Variants in CTNNA2 observed in about 807,000 individuals in gnomAD.
CTNNA2 encodes the protein catenin alpha 2.
In CTNNA2, 42 loss-of-function variants were observed where a neutral mutation model predicts 101.0. The observed-to-expected ratio is 0.42, with a 90% confidence interval of 0.32 to 0.54. The LOEUF is 0.54. Among genes scored for constraint, CTNNA2 ranks in the 20% least tolerant of loss-of-function variants. CTNNA2 has a pLI of 0.14. For synonymous variants in CTNNA2, 450 were observed against 456.4 expected, an observed-to-expected ratio of 0.99 and a Z score of 0.18; for missense variants, 871 against 1,223.1, an observed-to-expected ratio of 0.71 and a Z score of 4.29.
intron 9 of CTNNA2, among the ~76,000 whole-genome samples, chr2:80,523,365 C>T (rs542148050): frequency 2.0e-5 from 3 of 152,106 alleles, no homozygotes; most frequent in Admixed American, 6.6e-5. Flanking sequence ...TGTCTATGAG[C>T]TGTAAATTGA....
chr2:79,473,415 C>T (rs1671021387), intron 4 of CTNNA2, among the ~76,000 whole-genome samples: 1 of 152,010 alleles, frequency 6.6e-6, no homozygotes, highest in Non-Finnish European at 1.5e-5. Context: ...CTGTCTCTCT[C>T]CCTCTCTCTC....
chr2:80,429,921 A>C (rs533214761), intron 9 of CTNNA2, among the ~76,000 whole-genome samples: 4 of 152,342 alleles, frequency 2.6e-5, no homozygotes, highest in Non-Finnish European at 5.9e-5. Context: ...GCTTGAATTA[A>C]CTATGCACAT....
intron 3 of CTNNA2, among the ~76,000 whole-genome samples, chr2:79,765,935 C>T (rs139523828): frequency 1.2e-3 from 185 of 152,288 alleles, no homozygotes; most frequent in Non-Finnish European, 2.2e-3. Context: ...TGTCAATGCT[C>T]AGTATACACA....
At chr2:79,770,709 A>G (rs1016887912) in intron 3 of CTNNA2, among the ~76,000 whole-genome samples, 5 of 152,202 alleles carry the variant, frequency 3.3e-5, no homozygotes, top group Admixed American at 2.0e-4. Context: ...AGAGATATAT[A>G]TGTTCTTTTT....
chr2:80,334,466 T>G (rs566942385), intron 7 of CTNNA2, among the ~76,000 whole-genome samples: 5 of 152,344 alleles, frequency 3.3e-5, no homozygotes, highest in Non-Finnish European at 5.9e-5. Flanking sequence ...TAATTCATTT[T>G]TCAAAAACAA....
intron 7 of CTNNA2, among the ~76,000 whole-genome samples, chr2:80,242,150 GAGA>G (rs1253678628): frequency 6.6e-6 from 1 of 152,174 alleles, no homozygotes; most frequent in Non-Finnish European, 1.5e-5. Flanking sequence ...ACTGAGACTG[GAGA>G]AGATTTTATG....
intron 2 of CTNNA2, among the ~76,000 whole-genome samples, chr2:79,709,081 T>C (rs1184420596): frequency 6.6e-6 from 1 of 152,172 alleles, no homozygotes; most frequent in East Asian, 1.9e-4. Context: ...TAAATGTATA[T>C]CCTATACTGG....
chr2:79,383,032 A>G (rs888830480), intron 4 of CTNNA2, among the ~76,000 whole-genome samples: 1 of 152,246 alleles, frequency 6.6e-6, no homozygotes, highest in African/African-American at 2.4e-5. Flanking sequence ...GTTGCGCTCA[A>G]CTTCCTAACT....
chr2:79,508,662 G>T (rs192787348), upstream of CTNNA2, among the ~76,000 whole-genome samples: 137 of 152,044 alleles, frequency 9.0e-4, no homozygotes, highest in African/African-American at 2.7e-3. Flanking sequence ...CAAGTATACA[G>T]CTCTATTTAT....
intron 4 of CTNNA2, among the ~76,000 whole-genome samples, chr2:79,424,219 C>T (rs1256673370): frequency 2.6e-5 from 4 of 152,036 alleles, no homozygotes; most frequent in Non-Finnish European, 4.4e-5. Flanking sequence ...TAACCTCATG[C>T]CTACGATATA....
chr2:80,542,528 A>G (rs970397393), intron 9 of CTNNA2, among the ~76,000 whole-genome samples: 4 of 151,884 alleles, frequency 2.6e-5, no homozygotes, highest in Non-Finnish European at 5.9e-5. Context: ...TTTAATGTTA[A>G]CCACTGATGA....
intron 4 of CTNNA2, among the ~76,000 whole-genome samples, chr2:79,427,033 C>T (rs1424081098): frequency 6.6e-6 from 1 of 151,944 alleles, no homozygotes; most frequent in Non-Finnish European, 1.5e-5. Flanking sequence ...TTTTGCAAAC[C>T]TCTCTCACAA....
At chr2:79,505,648 G>C (rs1671396299) in intron 5 of CTNNA2, among the ~76,000 whole-genome samples, 1 of 152,198 alleles carries the variant, frequency 6.6e-6, no homozygotes, top group Non-Finnish European at 1.5e-5. Context: ...AGTTAGACAA[G>C]GTCGGCTCCT....
chr2:79,378,669 C>T (rs1177070222), intron 4 of CTNNA2, among the ~76,000 whole-genome samples: 1 of 152,066 alleles, frequency 6.6e-6, no homozygotes, highest in African/African-American at 2.4e-5. Context: ...AAAAGCTGAA[C>T]TTTTACTTAG....
chr2:80,372,139 A>G (rs961261401), intron 7 of CTNNA2, among the ~76,000 whole-genome samples: 2 of 152,090 alleles, frequency 1.3e-5, no homozygotes, highest in Admixed American at 6.6e-5. Flanking sequence ...CAGGTGTGAG[A>G]TGATTGGATT....
chr2:80,304,306 G>C (rs1028640623), intron 7 of CTNNA2: 2 of 153,282 alleles, frequency 1.3e-5, no homozygotes, highest in South Asian at 2.1e-4. Flanking sequence ...TTTGCTGCTC[G>C]GCTCGGGGCT....
At chr2:79,409,885 C>T (rs1678388199) in intron 4 of CTNNA2, among the ~76,000 whole-genome samples, 1 of 151,902 alleles carries the variant, frequency 6.6e-6, no homozygotes, top group Non-Finnish European at 1.5e-5. Flanking sequence ...TATATATTAC[C>T]TTGGGCAGTA....
intron 7 of CTNNA2, among the ~76,000 whole-genome samples, chr2:80,250,204 A>AGAGAGTGTGTGT (rs1553476557): frequency 2.0e-4 from 19 of 96,502 alleles, no homozygotes; most frequent in African/African-American, 5.6e-4. Flanking sequence ...AGAGAGAGAG[A>AGAGAGTGTGTGT]GTGTGTGTGT....
At chr2:80,150,242 C>T (rs1050333322) in intron 7 of CTNNA2, among the ~76,000 whole-genome samples, 6 of 152,190 alleles carry the variant, frequency 3.9e-5, no homozygotes, top group Admixed American at 6.5e-5. Context: ...TCTGTCTTCT[C>T]TACTCATTAC....
Sources: gnomAD v4.1 joint callset for allele counts (sites outside exome capture counted in the v4.1 genomes callset) on GRCh38, gnomAD v4.1.1 for gene constraint, MANE v1.5 for transcripts, NCBI Gene and HGNC (gene_info 2026-07-23, HGNC 2026-07-21) for gene names.